The following MAPRE2 variants were observed in gnomAD, a reference collection of about 807,000 sequenced individuals.
MAPRE2 encodes the protein microtubule associated protein RP/EB family member 2.
MAPRE2 carries 13 observed loss-of-function variants against 43.2 expected under a neutral mutation model. That is an observed-to-expected ratio of 0.30 (90% confidence interval 0.20 to 0.48). The LOEUF is 0.48. MAPRE2 is among the 20% of genes least tolerant of loss of function. The probability of loss-of-function intolerance (pLI) is 0.99; values close to 1 mark genes in which losing one functional copy is unlikely to be tolerated. For missense variants in MAPRE2, 161 were observed against 400.2 expected, an observed-to-expected ratio of 0.40 and a Z score of 5.10; for synonymous variants, 135 against 148.8, an observed-to-expected ratio of 0.91 and a Z score of 0.68.
chr18:35,063,299 G>A (rs1270263834), intron 1 of MAPRE2, among the ~76,000 whole-genome samples: 3 of 151,908 alleles, frequency 2.0e-5, no homozygotes, highest in Non-Finnish European at 4.4e-5. Context: ...AGTAGAGATG[G>A]GGTTTCACCG....
chr18:35,061,422 C>T (rs1011079566), intron 1 of MAPRE2, among the ~76,000 whole-genome samples: 1 of 152,158 alleles, frequency 6.6e-6, no homozygotes, highest in Non-Finnish European at 1.5e-5. Context: ...TGATATTTCT[C>T]CATCATCCTT....
intron 6 of MAPRE2, 134 bp downstream of exon 6, chr18:35,132,324 T>A: frequency 1.4e-6 from 1 of 725,488 alleles, no homozygotes; most frequent in Non-Finnish European, 2.2e-6. Context: ...CACCTGATAG[T>A]CCCAAAGGAA....
chr18:35,049,146 A>G (rs1419633470), intron 1 of MAPRE2, among the ~76,000 whole-genome samples: 1 of 152,142 alleles, frequency 6.6e-6, no homozygotes, highest in Non-Finnish European at 1.5e-5. Context: ...CAAAAACGCC[A>G]GGTAATTTGT....
At chr18:34,984,562 G>A (rs925224442) in intron 1 of MAPRE2, 4 of 151,466 alleles carry the variant, frequency 2.6e-5, no homozygotes, top group African/African-American at 9.7e-5. Flanking sequence ...ACCAGTGATA[G>A]TAATGGCATG....
chr18:35,047,621 A>G lies in MAPRE2; in HGVS notation c.122+5960A>G, dbSNP rs73424681. ...GTTTTTATAAAATGCCTCCCCAAAG[A>G]TGATCATTTACTTTAATGAAAATAA... On this transcript the variant is annotated intron_variant, in intron 1 of 6. Transcript: ENST00000300249. Among the ~76,000 whole-genome samples, 246 of 152,124 alleles carry G rather than the reference A, an allele frequency of 1.6e-3. 1 individual carries two copies. Among genetic ancestry groups the G allele is most frequent in the African/African-American group, 5.5e-3 (230 of 41,528 alleles).
chr18:35,138,237 G>C (rs1387522074), intron 6 of MAPRE2, among the ~76,000 whole-genome samples: 1 of 152,184 alleles, frequency 6.6e-6, no homozygotes, highest in Non-Finnish European at 1.5e-5. Context: ...TCAGGGCTCT[G>C]AGATCTCCCT....
At chr18:35,040,135 G>A (rs2097052868), upstream of MAPRE2, among the ~76,000 whole-genome samples, 1 of 152,174 alleles carries the variant, frequency 6.6e-6, no homozygotes, top group Non-Finnish European at 1.5e-5. Context: ...CCCAGGAGGC[G>A]GAGGTTGCAG....
intron 1 of MAPRE2, among the ~76,000 whole-genome samples, chr18:35,045,892 A>G (rs1365383931): frequency 6.6e-6 from 1 of 152,226 alleles, no homozygotes; most frequent in Non-Finnish European, 1.5e-5. Context: ...ATGCTTTAGT[A>G]CATGCCCAAC....
At chr18:35,030,333 A>G (rs376878722) in intron 2 of MAPRE2, among the ~76,000 whole-genome samples, 18 of 152,280 alleles carry the variant, frequency 1.2e-4, no homozygotes, top group African/African-American at 4.1e-4. Flanking sequence ...TTGCCTCTGC[A>G]ACCATCAGCT....
chr18:35,075,452 C>T (rs542999192), intron 2 of MAPRE2, among the ~76,000 whole-genome samples: 1 of 152,264 alleles, frequency 6.6e-6, no homozygotes, highest in Admixed American at 6.5e-5. Flanking sequence ...TAGGGCTTCT[C>T]TTATTGGCTC....
chr18:35,114,087 C>T (rs1298682276), intron 4 of MAPRE2, among the ~76,000 whole-genome samples: 1 of 152,144 alleles, frequency 6.6e-6, no homozygotes, highest in Non-Finnish European at 1.5e-5. Flanking sequence ...GGGTCACACA[C>T]TAGAAGGAGA....
intron 1 of MAPRE2, among the ~76,000 whole-genome samples, chr18:34,985,736 TATATATTATATATGTAATATATAAA>T (rs1229592513): frequency 2.2e-5 from 2 of 92,100 alleles, no homozygotes; most frequent in East Asian, 7.1e-4. Flanking sequence ...AATATATAAA[TATATATTATATATGTAATATATAAA>T]ATATATTACA....
rs950252303 is a variant in MAPRE2 at position 35,143,016 on chromosome 18, T to A, written c.*2647T>A. ...TCCACTGCTACTGTCAGATAGGAAG[T>A]GATCGAAGCAGGGGGCAAAGAGAAA... On this transcript the variant is annotated 3_prime_UTR_variant, in exon 7 of 7. Coordinates refer to ENST00000300249, the MANE Select transcript of MAPRE2 (RefSeq NM_014268.4). 12 of 142,612 alleles carry A rather than the reference T, an allele frequency of 8.4e-5. No individual in the cohort carries two copies. Among genetic ancestry groups the A allele is most frequent in the Non-Finnish European group, 1.5e-4 (10 of 66,804 alleles). The allele number at this position is 142,612 out of a possible 1,614,324, so 8.8% of individuals were successfully genotyped here. A position where few individuals can be genotyped will look rare whatever the true frequency, so the allele number is the denominator to read the frequency against.
In MAPRE2 at chr18:35,041,494, AC is replaced by A. The variant is rs1385359823; in HGVS notation, c.-44del. 1.2e-6 allele frequency: 2 copies of A among 1,613,614 alleles called. No individual in the cohort carries two copies. The highest frequency in any genetic ancestry group is 2.2e-5 in the South Asian group (2 of 91,086). On this transcript the variant is annotated 5_prime_UTR_variant, in exon 1 of 7. Coordinates refer to ENST00000300249, the MANE Select transcript of MAPRE2 (RefSeq NM_014268.4). Reference sequence around the variant, plus strand: ...GCGGGAAGACGCAGCCACCTTCCTCACCAGCCAGCCCACAGCGGTTTGTTCC... The same window carrying A: ...GCGGGAAGACGCAGCCACCTTCCTCACAGCCAGCCCACAGCGGTTTGTTCC...
intron 2 of MAPRE2, among the ~76,000 whole-genome samples, chr18:35,030,063 A>T (rs1412219265): frequency 1.3e-5 from 2 of 152,218 alleles, no homozygotes; most frequent in Admixed American, 6.5e-5. Context: ...AAGGACAAGA[A>T]AATTATTTTT....
At chr18:34,978,541 G>A in intron 1 of MAPRE2, 1 of 1,551,634 alleles carries the variant, frequency 6.4e-7, no homozygotes, top group Non-Finnish European at 8.7e-7. Flanking sequence ...GAGATCAAAA[G>A]GTAATCTGAA....
At chr18:35,001,505 C>A (rs923593773) in intron 1 of MAPRE2, among the ~76,000 whole-genome samples, 1 of 113,082 alleles carries the variant, frequency 8.8e-6, no homozygotes, top group East Asian at 2.6e-4. Flanking sequence ...CAGAGCAAGA[C>A]TTTGTCTCAA....
chr18:35,020,013 G>A (rs994533158), intron 2 of MAPRE2, among the ~76,000 whole-genome samples: 8 of 151,922 alleles, frequency 5.3e-5, no homozygotes, highest in Non-Finnish European at 7.4e-5. Flanking sequence ...AAATCAGCTC[G>A]GCCTCAGGTT....
At chr18:34,996,142 C>G (rs1488293655) in intron 1 of MAPRE2, among the ~76,000 whole-genome samples, 5 of 152,182 alleles carry the variant, frequency 3.3e-5, no homozygotes, top group Admixed American at 1.3e-4. Flanking sequence ...AATTTTTCCA[C>G]CCCTGCTGTC....
Sources: gnomAD v4.1 joint callset for allele counts (sites outside exome capture counted in the v4.1 genomes callset) on GRCh38, gnomAD v4.1.1 for gene constraint, MANE v1.5 for transcripts, NCBI Gene and HGNC (gene_info 2026-07-23, HGNC 2026-07-21) for gene names.